Variants in LRRC37A2 observed in about 807,000 individuals in gnomAD.
LRRC37A2 encodes leucine rich repeat containing 37 member A2.
In LRRC37A2, 9 loss-of-function variants were observed where a neutral mutation model predicts 68.8. That is an observed-to-expected ratio of 0.13 (90% CI 0.08 to 0.23). LRRC37A2 has a LOEUF of 0.23. Among genes scored for constraint, LRRC37A2 ranks in the 10% least tolerant of loss-of-function variants. LRRC37A2 has a pLI of 1.00. For missense variants in LRRC37A2, 168 were observed against 950.4 expected (o/e 0.18, Z 10.82); for synonymous variants, 63 against 367.6 (o/e 0.17, Z 9.48).
the LRRC37A2 span, chr17:46,972,941 C>T: frequency 4.2e-4 from 65 of 153,916 alleles, no homozygotes; most frequent in South Asian, 8.2e-4. Flanking sequence ...AGGTCTTGTA[C>T]GTCAAGTTTA....
chr17:46,771,133 G>C, the LRRC37A2 span, among the ~76,000 whole-genome samples: 8 of 152,144 alleles, frequency 5.3e-5, no homozygotes, highest in Admixed American at 5.2e-4. Flanking sequence ...CGCTCTCCGC[G>C]GCCCCCACGC....
chr17:46,948,036 G>T, the LRRC37A2 span, among the ~76,000 whole-genome samples: 5 of 152,338 alleles, frequency 3.3e-5, no homozygotes, highest in South Asian at 2.1e-4. Context: ...TTCCCAAAGT[G>T]CTGGGATTAC....
the LRRC37A2 span, among the ~76,000 whole-genome samples, chr17:46,687,301 C>G: frequency 7.2e-6 from 1 of 139,508 alleles, no homozygotes; most frequent in South Asian, 2.4e-4. Flanking sequence ...TCTTGCTATC[C>G]TTTTTTATTC....
chr17:46,730,475 G>A, the LRRC37A2 span, among the ~76,000 whole-genome samples: 29 of 152,076 alleles, frequency 1.9e-4, no homozygotes, highest in Non-Finnish European at 7.4e-5. Context: ...ATCCAAAGTA[G>A]ATACTAACAG....
chr17:46,495,043 A>G, the LRRC37A2 span, among the ~76,000 whole-genome samples: 229 of 148,518 alleles, frequency 1.5e-3, 12 homozygotes, highest in African/African-American at 5.4e-3. Flanking sequence ...TTAATCTCTC[A>G]TATATGAATG....
the LRRC37A2 span, chr17:46,749,808 C>T: frequency 6.2e-7 from 1 of 1,614,072 alleles, no homozygotes; most frequent in South Asian, 1.1e-5. Flanking sequence ...CCACTAGCCG[C>T]AAAGATGTCC....
intron 6 of LRRC37A2, among the ~76,000 whole-genome samples, chr17:46,533,682 A>G (rs2054092358): frequency 1.3e-5 from 1 of 75,744 alleles, no homozygotes; most frequent in Admixed American, 1.4e-4. Context: ...TTGTATTTTT[A>G]GTAGAGACAG....
the LRRC37A2 span, among the ~76,000 whole-genome samples, chr17:46,723,647 G>A: frequency 2.0e-5 from 3 of 152,030 alleles, no homozygotes; most frequent in South Asian, 2.1e-4. Context: ...TTTTATTTCA[G>A]TTGCCAAATC....
chr17:46,597,788 CTTTTT>C, the LRRC37A2 span, among the ~76,000 whole-genome samples: 1 of 44,168 alleles, frequency 2.3e-5, no homozygotes. Context: ...TTGCAATACT[CTTTTT>C]TTTTTTTTTT....
chr17:46,944,926 C>T, the LRRC37A2 span, among the ~76,000 whole-genome samples: 1 of 152,124 alleles, frequency 6.6e-6, no homozygotes, highest in Non-Finnish European at 1.5e-5. Flanking sequence ...TAAGGAGTCT[C>T]CTGTGAGGTC....
At chr17:46,999,125 C>T in the LRRC37A2 span, among the ~76,000 whole-genome samples, 3 of 152,184 alleles carry the variant, frequency 2.0e-5, no homozygotes, top group Non-Finnish European at 4.4e-5. Context: ...ACTAAGTAAT[C>T]GAGAAGGACA....
At chr17:47,017,162 C>G in the LRRC37A2 span, 13 of 1,607,754 alleles carry the variant, frequency 8.1e-6, no homozygotes, top group Non-Finnish European at 1.1e-5. Context: ...CTCACGCTTA[C>G]AAGGGGCACG....
chr17:47,019,652 G>A, the LRRC37A2 span: 7 of 1,403,794 alleles, frequency 5.0e-6, no homozygotes, highest in Admixed American at 1.7e-5. Context: ...CTGCACCAGA[G>A]GAACAGAAGG....
At chr17:46,883,045 C>T in the LRRC37A2 span, among the ~76,000 whole-genome samples, 3 of 152,010 alleles carry the variant, frequency 2.0e-5, no homozygotes, top group Non-Finnish European at 2.9e-5. Flanking sequence ...GTGGCATGAT[C>T]TCTGCTCACT....
chr17:46,910,307 C>T, the LRRC37A2 span: 81 of 152,342 alleles, frequency 5.3e-4, no homozygotes, highest in African/African-American at 1.8e-3. Context: ...CTGTGGCGCT[C>T]TCCTGGGTTG....
intron 8 of LRRC37A2, among the ~76,000 whole-genome samples, chr17:46,541,115 T>C (rs2055231333): frequency 8.2e-6 from 1 of 122,390 alleles, no homozygotes; most frequent in Non-Finnish European, 1.6e-5. Flanking sequence ...TTGTAGGCAA[T>C]CCCATCCTCC....
chr17:46,548,042 T>C, intron 9 of LRRC37A2: 2 of 75,916 alleles, frequency 2.6e-5, no homozygotes, highest in East Asian at 5.5e-4. Context: ...GCAATTGGCC[T>C]CTGGGGATCA....
the LRRC37A2 span, among the ~76,000 whole-genome samples, chr17:46,999,709 G>A: frequency 6.6e-6 from 1 of 151,918 alleles, no homozygotes; most frequent in South Asian, 2.1e-4. Flanking sequence ...TTTAGTAAGA[G>A]TGCTGTCAGC....
chr17:46,770,382 C>T, the LRRC37A2 span, among the ~76,000 whole-genome samples: 1 of 152,228 alleles, frequency 6.6e-6, no homozygotes, highest in Non-Finnish European at 1.5e-5. Context: ...CCACTTCTGT[C>T]CTGGTCCCAC....
Sources: allele counts gnomAD v4.1 joint callset (sites outside exome capture counted in the v4.1 genomes callset), GRCh38; gene constraint gnomAD v4.1.1; transcripts MANE v1.5; gene names NCBI Gene and HGNC (gene_info 2026-07-23, HGNC 2026-07-21).